ZCWPW1: variants seen among roughly 807,000 people sequenced by gnomAD.
ZCWPW1 encodes zinc finger CW-type and PWWP domain containing 1, also known as zinc finger CW-type PWWP domain protein 1.
In ZCWPW1, 56 loss-of-function variants were observed where a neutral mutation model predicts 81.3. That is an observed-to-expected ratio of 0.69 (90% CI 0.56 to 0.86). The LOEUF (loss-of-function observed/expected upper bound fraction) is 0.86, where lower values mean the gene tolerates loss of function less well. Among genes scored for constraint, ZCWPW1 ranks in the 40% least tolerant of loss-of-function variants. ZCWPW1 has a pLI of 0.00. For synonymous variants in ZCWPW1, 250 were observed against 273.7 expected, an observed-to-expected ratio of 0.91 and a Z score of 0.86; for missense variants, 650 against 769.8, an observed-to-expected ratio of 0.84 and a Z score of 1.84.
At chr7:100,417,351 A>G (rs1233978192) in intron 5 of ZCWPW1, 168 bp from the exon 6 acceptor site, 2 of 563,018 alleles carry the variant, frequency 3.6e-6, no homozygotes, top group Admixed American at 6.6e-5. Flanking sequence ...ACAAATATGT[A>G]TCTTTCTGCA....
chr7:100,425,347 T>A (rs1294044257), intron 1 of ZCWPW1, among the ~76,000 whole-genome samples: 1 of 151,956 alleles, frequency 6.6e-6, no homozygotes, highest in Non-Finnish European at 1.5e-5. Flanking sequence ...AGGCTTTAAA[T>A]AAGAATGTAA....
intron 13 of ZCWPW1, among the ~76,000 whole-genome samples, 193 bp from the exon 14 acceptor site, chr7:100,404,437 T>G (rs1792564470): frequency 6.6e-6 from 1 of 152,326 alleles, no homozygotes; most frequent in African/African-American, 2.4e-5. Context: ...CTTTACTCAC[T>G]GCAACCTCCC....
At chr7:100,422,419 C>T (rs1796523971) in intron 2 of ZCWPW1, among the ~76,000 whole-genome samples, 1 of 152,072 alleles carries the variant, frequency 6.6e-6, no homozygotes, top group Admixed American at 6.5e-5. Context: ...AAGAGTCACA[C>T]CAAAGGCTGA....
At chr7:100,415,925 C>T in intron 8 of ZCWPW1, 50 bp downstream of exon 8, 1 of 1,612,020 alleles carries the variant, frequency 6.2e-7, no homozygotes, top group South Asian at 1.1e-5. Flanking sequence ...CCTCTCTGCT[C>T]TATTTCAAAT....
chr7:100,406,626 A>C, intron 12 of ZCWPW1, 68 bp downstream of exon 12: 1 of 1,448,180 alleles, frequency 6.9e-7, no homozygotes, highest in Non-Finnish European at 9.7e-7. Context: ...CCCTGGGAGA[A>C]AATGAGGTTT....
Position 100,416,436 on chromosome 7 carries a change from T to G in ZCWPW1, c.500A>C (p.Gln167Pro). 6.2e-7 allele frequency: 1 copy of G among 1,614,210 alleles called. No homozygotes were observed. Among genetic ancestry groups the G allele is most frequent in the Non-Finnish European group, 8.5e-7 (1 of 1,180,034 alleles). ...ACCTTCCCAAGACACTGAAATCTCT[T>G]GAGTATGTGGTACCTCCTCTCTGAA... The part of the protein sequence containing the change: ...NANGEEVPHT[Q>P]EISVSWEGEA... The change falls in exon 7 of 18, where the codon CAA becomes CCA. Residue 167 changes from glutamine (Q) to proline (P), a missense_variant. Gln to Pro is a moderately conservative substitution (Grantham distance 76). Transcript: ENST00000684423.
At chr7:100,420,491 T>C in intron 3 of ZCWPW1, 131 bp downstream of exon 3, 1 of 997,100 alleles carries the variant, frequency 1.0e-6, no homozygotes, top group East Asian at 2.4e-5. Context: ...TCAAAGCATC[T>C]AGCAGAGCAG....
At chr7:100,416,668 C>T (rs1795278783) in intron 6 of ZCWPW1, among the ~76,000 whole-genome samples, 1 of 152,144 alleles carries the variant, frequency 6.6e-6, no homozygotes, top group South Asian at 2.1e-4. Context: ...GATAAATGGG[C>T]TGGGCCTGGT....
At chr7:100,411,883 C>T (rs1794241405) in intron 8 of ZCWPW1, among the ~76,000 whole-genome samples, 1 of 151,852 alleles carries the variant, frequency 6.6e-6, no homozygotes, top group Non-Finnish European at 1.5e-5. Context: ...GTTCAAGTAA[C>T]CTAAAGGAGA....
At chr7:100,419,343 G>A (rs754635147) in intron 4 of ZCWPW1, among the ~76,000 whole-genome samples, 154 bp from the exon 5 acceptor site, 2 of 152,170 alleles carry the variant, frequency 1.3e-5, no homozygotes, top group Non-Finnish European at 2.9e-5. Flanking sequence ...CTATATCCCA[G>A]ATCTCCTGGG....
chr7:100,407,894 AAAG>A (rs901671139), intron 10 of ZCWPW1, among the ~76,000 whole-genome samples: 2 of 152,160 alleles, frequency 1.3e-5, no homozygotes, highest in African/African-American at 4.8e-5. Flanking sequence ...AGACATCTCC[AAAG>A]AAGAAACTAT....
At chr7:100,401,407 C>T in intron 17 of ZCWPW1, 71 bp from the exon 18 acceptor site, 4 of 1,304,164 alleles carry the variant, frequency 3.1e-6, no homozygotes, top group Non-Finnish European at 3.1e-6. Context: ...AAGTCAAACT[C>T]CTAAATCTCT....
chr7:100,424,295 A>C (rs890242398), intron 2 of ZCWPW1, among the ~76,000 whole-genome samples: 1 of 152,118 alleles, frequency 6.6e-6, no homozygotes, highest in East Asian at 1.9e-4. Flanking sequence ...CTGGTATAAT[A>C]GGCTTGTTAA....
intron 5 of ZCWPW1, 153 bp downstream of exon 5, chr7:100,418,958 G>C (rs1008419959): frequency 1.4e-5 from 8 of 587,284 alleles, no homozygotes; most frequent in Non-Finnish European, 2.1e-5. Flanking sequence ...GTTGACAGAT[G>C]ATGAAGTATT....
chr7:100,409,044 C>A (rs997248438), intron 9 of ZCWPW1, among the ~76,000 whole-genome samples: 1 of 152,138 alleles, frequency 6.6e-6, no homozygotes, highest in Admixed American at 6.5e-5. Flanking sequence ...AGATCATCAT[C>A]ATCTCTTCCA....
intron 17 of ZCWPW1, 151 bp downstream of exon 17, chr7:100,401,738 C>G: frequency 9.7e-7 from 1 of 1,028,760 alleles, no homozygotes; most frequent in Non-Finnish European, 1.4e-6. Context: ...ATAGTGTGTG[C>G]TGGGTGCAGT....
At chr7:100,412,944 G>A (rs917952974) in intron 8 of ZCWPW1, among the ~76,000 whole-genome samples, 3 of 152,030 alleles carry the variant, frequency 2.0e-5, no homozygotes, top group Admixed American at 6.5e-5. Flanking sequence ...CTGGAGTGAT[G>A]TGGTATGAAC....
chr7:100,422,630 G>A (rs1304069999), intron 2 of ZCWPW1, among the ~76,000 whole-genome samples: 1 of 152,094 alleles, frequency 6.6e-6, no homozygotes, highest in South Asian at 2.1e-4. Flanking sequence ...TTTGTTACAT[G>A]GGTAAATTGC....
intron 8 of ZCWPW1, among the ~76,000 whole-genome samples, chr7:100,411,515 C>G (rs1003384608): frequency 2.6e-5 from 4 of 152,162 alleles, no homozygotes; most frequent in African/African-American, 9.7e-5. Context: ...GTGATCCACC[C>G]TCCTCAGCCT....
Sources: gnomAD v4.1 joint callset for allele counts (sites outside exome capture counted in the v4.1 genomes callset) on GRCh38, gnomAD v4.1.1 for gene constraint, MANE v1.5 for transcripts, NCBI Gene and HGNC (gene_info 2026-07-23, HGNC 2026-07-21) for gene names.